The following EFEMP1 variants were observed in gnomAD, a reference collection of about 807,000 sequenced individuals.
The protein encoded by EFEMP1 is EGF-like fibulin extracellular matrix protein 1, also known as EGF-containing fibulin-like extracellular matrix protein 1.
A neutral mutation model predicts 65.7 loss-of-function variants in EFEMP1; 18 were observed. The ratio of observed to expected loss-of-function variants is 0.27; its 90% confidence interval spans 0.19 to 0.41. The LOEUF is 0.41. Ranked by LOEUF, EFEMP1 falls within the 10% of genes least tolerant of loss-of-function variation. EFEMP1 has a pLI of 1.00. For missense variants in EFEMP1, 469 were observed against 624.8 expected (o/e 0.75, Z 2.66); for synonymous variants, 237 against 219.7 (o/e 1.08, Z -0.70).
At chr2:55,868,639 C>A (rs1382072967) in intron 11 of EFEMP1, among the ~76,000 whole-genome samples, 1 of 152,118 alleles carries the variant, frequency 6.6e-6, no homozygotes, top group Non-Finnish European at 1.5e-5. Context: ...CCTTCTTTGA[C>A]AGCCCACATT....
At chr2:55,895,464 G>A (rs910558224) in intron 5 of EFEMP1, among the ~76,000 whole-genome samples, 4 of 152,090 alleles carry the variant, frequency 2.6e-5, no homozygotes, top group African/African-American at 9.7e-5. Context: ...GACTCCCCTT[G>A]GGGGTCCAGC....
intron 6 of EFEMP1, among the ~76,000 whole-genome samples, chr2:55,878,728 G>T (rs1230273326): frequency 6.6e-6 from 1 of 152,100 alleles, no homozygotes; most frequent in Non-Finnish European, 1.5e-5. Flanking sequence ...AAATTAAGTA[G>T]TGTGCTCAAG....
chr2:55,922,669 T>A lies in EFEMP1; in HGVS notation c.-7-222A>T, dbSNP rs1670946997. The A allele has an allele frequency of 1.9e-6, 1 of 534,460 alleles. No homozygotes were observed. Among genetic ancestry groups the A allele is most frequent in the East Asian group, 4.0e-5 (1 of 25,272 alleles). The allele number at this position is 534,460 out of a possible 1,614,324, so 33.1% of individuals were successfully genotyped here. A position where few individuals can be genotyped will look rare whatever the true frequency, so the allele number is the denominator to read the frequency against. ...GTAAAAACTGCTGTAGAATTGCATTTCACGTTACTCCATCCTGCTACGCTG... is the reference window on the plus strand; with the variant it reads ...GTAAAAACTGCTGTAGAATTGCATTACACGTTACTCCATCCTGCTACGCTG... On this transcript the variant is annotated intron_variant, in intron 2 of 11. Coordinates refer to ENST00000355426, the MANE Select transcript of EFEMP1 (RefSeq NM_001039348.3). The surrounding 1 kb of genome is among the most constrained non-coding windows in gnomAD (Gnocchi z 5.5).
At chr2:55,911,529 A>G (rs956153943) in intron 5 of EFEMP1, among the ~76,000 whole-genome samples, 1 of 151,982 alleles carries the variant, frequency 6.6e-6, no homozygotes, top group African/African-American at 2.4e-5. Context: ...TCTTATTATA[A>G]CAATATATGT....
At chr2:55,918,288 G>T in intron 3 of EFEMP1, 21 bp from the exon 4 acceptor site, 1 of 1,614,128 alleles carries the variant, frequency 6.2e-7, no homozygotes, top group South Asian at 1.1e-5. Context: ...AACATCAAAG[G>T]TGGGGCCAGG....
Position 55,885,294 on chromosome 2 carries a change from CA to C in EFEMP1, c.518-3561del, listed in dbSNP as rs1397629109. ...AAACTGGTTTCCATGAGAAGAATGG[CA>C]GACAGATGGCGTCAGCACAGCTGCC... On this transcript the variant is annotated intron_variant, in intron 5 of 11. Transcript: ENST00000355426. The surrounding 1 kb of genome is among the most constrained non-coding windows in gnomAD (Gnocchi z 4.3). Among the ~76,000 whole-genome samples the C allele has an allele frequency of 6.6e-6, 1 of 152,180 alleles. No homozygotes were observed. Among genetic ancestry groups the C allele is most frequent in the Non-Finnish European group, 1.5e-5 (1 of 68,038 alleles).
chr2:55,910,841 T>C (rs1670454851), intron 5 of EFEMP1, among the ~76,000 whole-genome samples: 1 of 152,198 alleles, frequency 6.6e-6, no homozygotes, highest in Non-Finnish European at 1.5e-5. Context: ...GCATCTGATA[T>C]TGAAAGGATC....
At chr2:55,897,067 C>T (rs373443298) in intron 5 of EFEMP1, among the ~76,000 whole-genome samples, 7 of 152,162 alleles carry the variant, frequency 4.6e-5, no homozygotes, top group South Asian at 2.1e-4. Flanking sequence ...CTTGCCAAGA[C>T]GGAGGCCTGG....
In EFEMP1 at chr2:55,883,211, C is replaced by T. The variant is rs138442190; in HGVS notation, c.518-1477G>A. Reference sequence around the variant, plus strand: ...GCATCCACTTACGTAATTCTTTGAACTTGGTTTTAAAGTTTTGGCTAAGGT... The same window carrying T: ...GCATCCACTTACGTAATTCTTTGAATTTGGTTTTAAAGTTTTGGCTAAGGT... On this transcript the variant is annotated intron_variant, in intron 5 of 11. Transcript: ENST00000355426. The surrounding 1 kb of genome is among the most constrained non-coding windows in gnomAD (Gnocchi z 4.5). 0.011 allele frequency among the ~76,000 whole-genome samples: 1,714 copies of T among 152,126 alleles called. 16 individuals are homozygous for T. The highest frequency in any genetic ancestry group is 0.017 in the Non-Finnish European group (1,179 of 67,992).
At position 55,898,445 on chromosome 2, in the gene EFEMP1, T is replaced by C. The variant is rs1469562903; in HGVS notation, c.518-16711A>G. ...AGAAAATAGTCCTTACGTAGCACAC[T>C]CTCTTTTTATGCCTCTTACTAGCAT... On this transcript the variant is annotated intron_variant, in intron 5 of 11. Transcript: ENST00000355426. Among the ~76,000 whole-genome samples, 7 of 152,084 alleles carry C rather than the reference T, an allele frequency of 4.6e-5. No individual in the cohort carries two copies. In the East Asian group the frequency reaches 1.4e-3, roughly 29 times the overall value.
intron 5 of EFEMP1, among the ~76,000 whole-genome samples, chr2:55,913,906 A>G (rs972090253): frequency 6.6e-6 from 1 of 152,134 alleles, no homozygotes; most frequent in African/African-American, 2.4e-5. Flanking sequence ...GCTACTCGGG[A>G]GGCTGAGGCA....
chr2:55,899,268 G>A (rs1334543250), intron 5 of EFEMP1, among the ~76,000 whole-genome samples: 2 of 152,192 alleles, frequency 1.3e-5, no homozygotes, highest in Non-Finnish European at 1.5e-5. Flanking sequence ...TGAATTATTT[G>A]TATCATTTAA....
At chr2:55,875,125 GATAT>G (rs55673402) in intron 8 of EFEMP1, 60 bp from the exon 9 acceptor site, 87 of 778,094 alleles carry the variant, frequency 1.1e-4, no homozygotes, top group Non-Finnish European at 1.3e-4. Flanking sequence ...CACTACTTTG[GATAT>G]ATATATATAT....
intron 5 of EFEMP1, among the ~76,000 whole-genome samples, chr2:55,895,412 T>G (rs1256535002): frequency 6.6e-6 from 1 of 152,228 alleles, no homozygotes; most frequent in African/African-American, 2.4e-5. Flanking sequence ...TGTCTGCCTT[T>G]GTCCGTAAGC....
intron 5 of EFEMP1, among the ~76,000 whole-genome samples, chr2:55,888,468 G>C (rs1669510862): frequency 6.6e-6 from 1 of 151,002 alleles, no homozygotes; most frequent in African/African-American, 2.4e-5. Context: ...CTCCTGAGTA[G>C]CTGGGATTAC....
In EFEMP1 at chr2:55,919,341, T is replaced by C. The variant is rs1337411037; in HGVS notation, c.82-1074A>G. Among the ~76,000 whole-genome samples, 1 of 152,148 alleles carries C rather than the reference T, an allele frequency of 6.6e-6. No homozygotes were observed. The highest frequency in any genetic ancestry group is 2.4e-5 in the African/African-American group (1 of 41,434). ...GTCTAAGGATCATTCAGGGTTCTTG[T>C]TAAAATGAAGATTCCTGGGCCCACC... is the stretch of plus-strand genomic sequence containing the variant. On this transcript the variant is annotated intron_variant, in intron 3 of 11. Transcript: ENST00000355426. This position sits in a 1 kb window ranked among gnomAD's most constrained non-coding sequence, Gnocchi z 4.5.
chr2:55,880,678 C>CT (rs1460344097), intron 6 of EFEMP1, among the ~76,000 whole-genome samples: 1 of 152,202 alleles, frequency 6.6e-6, no homozygotes. Context: ...GGAAATAAGG[C>CT]TTTTTCACTG....
At chr2:55,895,381 G>A (rs1005188637) in intron 5 of EFEMP1, among the ~76,000 whole-genome samples, 18 of 152,044 alleles carry the variant, frequency 1.2e-4, no homozygotes, top group Non-Finnish European at 2.2e-4. Flanking sequence ...CTACTGCCAC[G>A]TGCAACACAT....
Position 55,867,718 on chromosome 2 carries a change from T to C in EFEMP1, c.1321-484A>G, listed in dbSNP as rs1668636842. On this transcript the variant is annotated intron_variant, in intron 11 of 11. Transcript: ENST00000355426. The surrounding 1 kb of genome is among the most constrained non-coding windows in gnomAD (Gnocchi z 4.3). ...AGGTTATGCAGGGTACGTATGAAGA[T>C]ACATAAAGGTGTATGTATAAAGGGA... 6.6e-6 allele frequency among the ~76,000 whole-genome samples: 1 copy of C among 152,154 alleles called. No homozygotes were observed. Among genetic ancestry groups the C allele is most frequent in the Admixed American group, 6.6e-5 (1 of 15,258 alleles).
Sources: gnomAD v4.1 joint callset for allele counts (sites outside exome capture counted in the v4.1 genomes callset) on GRCh38, gnomAD v4.1.1 for gene constraint, Gnocchi (gnomAD v3.1) non-coding constraint, MANE v1.5 for transcripts, NCBI Gene and HGNC (gene_info 2026-07-23, HGNC 2026-07-21) for gene names.